NUP85: variants seen among roughly 807,000 people sequenced by gnomAD.
The protein encoded by NUP85 is nuclear pore complex protein Nup85.
In NUP85, 23 loss-of-function variants were observed where a neutral mutation model predicts 92.8. That is an observed-to-expected ratio of 0.25 (90% confidence interval 0.18 to 0.35). The LOEUF (loss-of-function observed/expected upper bound fraction) is 0.35, where lower values mean the gene tolerates loss of function less well. Ranked by LOEUF, NUP85 falls within the 10% of genes least tolerant of loss-of-function variation. The pLI is 1.00. For missense variants in NUP85, 759 were observed against 822.8 expected, an observed-to-expected ratio of 0.92 and a Z score of 0.95; for synonymous variants, 314 against 306.9, an observed-to-expected ratio of 1.02 and a Z score of -0.24.
At position 75,235,594 on chromosome 17, in the gene NUP85, C is replaced by T; in HGVS notation, c.1886C>T (p.Thr629Ile). The change falls in exon 19 of 19, where the codon ACC becomes ATC. Residue 629 changes from threonine (T) to isoleucine (I), a missense_variant. Thr to Ile is a moderately conservative substitution (Grantham distance 89, BLOSUM62 -1). Coordinates refer to ENST00000245544, the MANE Select transcript of NUP85 (RefSeq NM_024844.5). The stretch of plus-strand genomic sequence containing the variant: ...GCTTTGCAGGATGATGACATAGAGA[C>T]CACCAAGGTGGAAATGCTGAGACTT... ...TEQLQDDDIE[T>I]TKVEMLRLSL... 1.2e-6 allele frequency: 2 copies of T among 1,613,956 alleles called. No individual in the cohort carries two copies. The highest frequency in any genetic ancestry group is 1.7e-6 in the Non-Finnish European group (2 of 1,179,828).
intron 5 of NUP85, among the ~76,000 whole-genome samples, chr17:75,213,598 G>A (rs1280393458): frequency 4.6e-5 from 7 of 151,862 alleles, no homozygotes; most frequent in Admixed American, 3.9e-4. Context: ...GGCCCTGAAT[G>A]TTCCGTTCTT....
At chr17:75,218,356 G>A (rs2145310855) in intron 7 of NUP85, 50 bp downstream of exon 7, 1 of 1,607,096 alleles carries the variant, frequency 6.2e-7, no homozygotes, top group East Asian at 2.2e-5. Context: ...ACTGTCCCTG[G>A]TGCTGCCGGG....
chr17:75,217,136 C>T (rs996852762), intron 6 of NUP85, among the ~76,000 whole-genome samples: 3 of 152,042 alleles, frequency 2.0e-5, no homozygotes, highest in Admixed American at 6.6e-5. Context: ...GATCACAGCT[C>T]AGAAGCCTCG....
intron 11 of NUP85, among the ~76,000 whole-genome samples, chr17:75,227,216 C>A (rs2145367261): frequency 6.6e-6 from 1 of 151,984 alleles, no homozygotes; most frequent in East Asian, 1.9e-4. Flanking sequence ...GGAAGAGTTT[C>A]CTTCGCCCTA....
At chr17:75,233,761 G>C (rs111856565) in intron 16 of NUP85, among the ~76,000 whole-genome samples, 10,109 of 152,052 alleles carry the variant, frequency 0.066, 918 homozygotes, top group African/African-American at 0.19. Flanking sequence ...ACCACACCCA[G>C]CTAATTTTTT....
intron 6 of NUP85, among the ~76,000 whole-genome samples, chr17:75,217,071 T>C (rs1198178791): frequency 1.3e-5 from 2 of 151,762 alleles, no homozygotes; most frequent in African/African-American, 4.8e-5. Context: ...GTGTATATGC[T>C]GGGGGAGGGG....
intron 9 of NUP85, 73 bp downstream of exon 9, chr17:75,225,537 A>C: frequency 6.3e-7 from 1 of 1,584,960 alleles, no homozygotes; most frequent in East Asian, 2.2e-5. Context: ...CAGCAGTGGC[A>C]GGAGCTTGGT....
rs565242340 is a variant in NUP85, at chr17:75,206,695, G to A, written c.33+901G>A. On this transcript the variant is annotated intron_variant, in intron 1 of 18. Transcript: ENST00000245544. ...TCTCAGGGTAGGTAGAGGGATTATG[G>A]TTATTATTACTGTTATTTTTTAGAC... Among the ~76,000 whole-genome samples, 4 of 152,104 alleles carry A rather than the reference G, an allele frequency of 2.6e-5. No individual in the cohort carries two copies. The East Asian group carries it at 7.7e-4, about 29-fold the overall frequency.
At chr17:75,209,136 C>G (rs1416547077) in intron 2 of NUP85, among the ~76,000 whole-genome samples, 2 of 152,106 alleles carry the variant, frequency 1.3e-5, no homozygotes, top group Admixed American at 6.6e-5. Context: ...CTTTTTATCC[C>G]TTTTTCTTTG....
chr17:75,232,671 C>A (rs748438740), intron 14 of NUP85, among the ~76,000 whole-genome samples, 180 bp from the exon 15 acceptor site: 12 of 152,186 alleles, frequency 7.9e-5, no homozygotes, highest in Non-Finnish European at 1.6e-4. Context: ...ACACTCTTAG[C>A]AGATCCCAGA....
intron 4 of NUP85, among the ~76,000 whole-genome samples, 191 bp downstream of exon 4, chr17:75,212,253 T>TTTTTTTG (rs2075296035): frequency 3.7e-4 from 1 of 2,698 alleles, no homozygotes; most frequent in African/African-American, 5.0e-4. Flanking sequence ...TGTTGTTTTT[T>TTTTTTTG]TTTTTTTTTT....
intron 4 of NUP85, among the ~76,000 whole-genome samples, chr17:75,212,531 CATT>C (rs1415057991): frequency 4.0e-5 from 5 of 125,708 alleles, no homozygotes; most frequent in Non-Finnish European, 6.4e-5. Flanking sequence ...TGCAAAGAAA[CATT>C]ATGGCTCACT....
At chr17:75,226,851 C>T (rs1244230251) in intron 11 of NUP85, 2 of 395,058 alleles carry the variant, frequency 5.1e-6, no homozygotes, top group Admixed American at 5.8e-5. Context: ...TATGGGATGG[C>T]GTGTTCCAAG....
Position 75,234,629 on chromosome 17 carries a change from C to G in NUP85, c.1616-8C>G. On this transcript the variant is annotated splice_polypyrimidine_tract_variant and splice_region_variant and intron_variant, in intron 16 of 18. Transcript: ENST00000245544. ...TGCAGGTTACTCAGTGCTCTTGTTT[C>G]GCCATAGGAAAGTATCGCGAGTTCC... 6.2e-7 allele frequency: 1 copy of G among 1,613,674 alleles called. No individual in the cohort carries two copies. Among genetic ancestry groups the G allele is most frequent in the Non-Finnish European group, 8.5e-7 (1 of 1,179,598 alleles).
In NUP85 at chr17:75,226,062, C is replaced by T; in HGVS notation, c.999C>T (p.Asp333=). ...TCACCTTTCCACAGTCCAGCCTGGA[C>T]CTGTTTCTGGGAGGTGAGAGCAGCC... is the stretch of plus-strand genomic sequence containing the variant. ...DLHYYAQSSL[D]LFLGGESSPE... Residue 333 remains aspartate, a synonymous_variant, in exon 11 of 19, where the codon GAC becomes GAT. Transcript: ENST00000245544. 1 of 1,614,130 alleles carries T rather than the reference C, an allele frequency of 6.2e-7. No homozygotes were observed. Among genetic ancestry groups the T allele is most frequent in the Non-Finnish European group, 8.5e-7 (1 of 1,180,010 alleles).
intron 6 of NUP85, 55 bp from the exon 7 acceptor site, chr17:75,218,130 A>G: frequency 6.2e-7 from 1 of 1,610,586 alleles, no homozygotes; most frequent in Non-Finnish European, 8.5e-7. Context: ...GGATAAAGGA[A>G]CTTGCTGCAG....
intron 2 of NUP85, among the ~76,000 whole-genome samples, chr17:75,209,178 C>T (rs2075181007): frequency 6.6e-6 from 1 of 152,016 alleles, no homozygotes; most frequent in Non-Finnish European, 1.5e-5. Context: ...TCAGTAGCTC[C>T]CTTATTGTGA....
rs569552942 is a variant in NUP85, at chr17:75,233,749, C to T, written c.1615+591C>T. 5.2e-3 allele frequency among the ~76,000 whole-genome samples: 784 copies of T among 152,182 alleles called. 5 individuals carry two copies. The highest frequency in any genetic ancestry group is 8.0e-3 in the Non-Finnish European group (545 of 67,986). Reference sequence around the variant, plus strand: ...AAGTAGCTGGGACTACAGGCGCACGCCACCACACCCAGCTAATTTTTTGTA... The same window carrying T: ...AAGTAGCTGGGACTACAGGCGCACGTCACCACACCCAGCTAATTTTTTGTA... On this transcript the variant is annotated intron_variant, in intron 16 of 18. Coordinates refer to ENST00000245544, the MANE Select transcript of NUP85 (RefSeq NM_024844.5).
chr17:75,220,437 T>TTA (rs2075564885), intron 7 of NUP85, among the ~76,000 whole-genome samples: 1 of 150,986 alleles, frequency 6.6e-6, no homozygotes, highest in Admixed American at 6.6e-5. Context: ...TTTTTTTTTT[T>TTA]AAATACAGTT....
Sources: allele counts gnomAD v4.1 joint callset (sites outside exome capture counted in the v4.1 genomes callset), GRCh38; gene constraint gnomAD v4.1.1; transcripts MANE v1.5; gene names NCBI Gene and HGNC (gene_info 2026-07-23, HGNC 2026-07-21).